FGF7: variants seen among roughly 807,000 people sequenced by gnomAD.
FGF7 encodes fibroblast growth factor 7.
FGF7 carries 6 observed loss-of-function variants against 20.5 expected under a neutral mutation model. The observed-to-expected ratio is 0.29, with a 90% CI of 0.16 to 0.58. The LOEUF is 0.58. Ranked by LOEUF, FGF7 falls within the 20% of genes least tolerant of loss-of-function variation. FGF7 has a pLI of 0.90. For synonymous variants in FGF7, 64 were observed against 74.7 expected, an observed-to-expected ratio of 0.86 and a Z score of 0.74; for missense variants, 144 against 228.8, an observed-to-expected ratio of 0.63 and a Z score of 2.39.
chr15:49,436,640 C>G lies in FGF7; in HGVS notation c.286+12057C>G, dbSNP rs184250976. On this transcript the variant is annotated intron_variant, in intron 2 of 3. Transcript: ENST00000267843. ...ACAGGGCTCTTATTAGGTGGGCAGA[C>G]TTATGCTCATTTGCAGATGGGGGAG... 8.6e-5 allele frequency among the ~76,000 whole-genome samples: 13 copies of G among 151,506 alleles called. No individual in the cohort carries two copies. The Admixed American group carries it at 8.6e-4, about 10-fold the overall frequency.
At chr15:49,456,830 G>T (rs973151232) in intron 2 of FGF7, among the ~76,000 whole-genome samples, 2 of 152,070 alleles carry the variant, frequency 1.3e-5, no homozygotes, top group African/African-American at 2.4e-5. Flanking sequence ...AGAATCAGTG[G>T]CAGTCCAACT....
intron 2 of FGF7, among the ~76,000 whole-genome samples, chr15:49,443,928 T>C (rs1056694000): frequency 2.6e-5 from 4 of 151,732 alleles, no homozygotes; most frequent in Non-Finnish European, 5.9e-5. Flanking sequence ...TGAGAGTCAG[T>C]TGTTAAACAT....
At chr15:49,439,359 G>C (rs1436204755) in intron 2 of FGF7, among the ~76,000 whole-genome samples, 1 of 151,626 alleles carries the variant, frequency 6.6e-6, no homozygotes, top group Non-Finnish European at 1.5e-5. Context: ...GGAAATTGCA[G>C]TGTGACGTAC....
chr15:49,453,394 G>A (rs927051447), intron 2 of FGF7, among the ~76,000 whole-genome samples: 7 of 152,076 alleles, frequency 4.6e-5, no homozygotes, highest in African/African-American at 7.2e-5. Flanking sequence ...ATGCGCCACC[G>A]TGCCTGGCCC....
rs2056339089 is a variant in FGF7, at chr15:49,485,564, T to A, written c.*1060T>A. On this transcript the variant is annotated 3_prime_UTR_variant, in exon 4 of 4. Transcript: ENST00000267843. ...TGTCTGGCTCAACGGCAAGTTTCCC[T>A]CCCTTTTCTGACTGACACTAAGTCT... 6.6e-6 allele frequency: 1 copy of A among 152,438 alleles called. No individual in the cohort carries two copies. The highest frequency in any genetic ancestry group is 2.4e-5 in the African/African-American group (1 of 41,414). 9.4% of individuals were successfully genotyped at this position (152,438 alleles called of 1,614,324 possible).
chr15:49,436,645 G>A (rs953768183), intron 2 of FGF7, among the ~76,000 whole-genome samples: 1 of 151,318 alleles, frequency 6.6e-6, no homozygotes, highest in Non-Finnish European at 1.5e-5. Context: ...GCAGACTTAT[G>A]CTCATTTGCA....
At chr15:49,467,405 G>C (rs1339646982) in intron 2 of FGF7, among the ~76,000 whole-genome samples, 2 of 152,000 alleles carry the variant, frequency 1.3e-5, no homozygotes, top group East Asian at 3.9e-4. Context: ...ATAAATTTAT[G>C]CATAGGTGTT....
chr15:49,445,501 AC>A (rs1567289446), intron 2 of FGF7, among the ~76,000 whole-genome samples: 1 of 151,480 alleles, frequency 6.6e-6, no homozygotes, highest in Non-Finnish European at 1.5e-5. Flanking sequence ...AAACAAACAG[AC>A]CTTTTGCTTA....
At chr15:49,436,956 C>A (rs2051160825) in intron 2 of FGF7, among the ~76,000 whole-genome samples, 1 of 151,580 alleles carries the variant, frequency 6.6e-6, no homozygotes, top group Non-Finnish European at 1.5e-5. Context: ...CTCCAAGTTT[C>A]CTTGTACAAA....
At chr15:49,427,666 G>C (rs551832405) in intron 2 of FGF7, among the ~76,000 whole-genome samples, 2 of 152,134 alleles carry the variant, frequency 1.3e-5, no homozygotes, top group African/African-American at 4.8e-5. Context: ...ACCTGAGAAT[G>C]TCAATAGGCT....
rs1176818355 is a variant in FGF7 at position 49,487,902 on chromosome 15, A to C, written c.*3398A>C. 1.3e-5 allele frequency: 2 copies of C among 151,980 alleles called. No homozygotes were observed. The highest frequency in any genetic ancestry group is 4.8e-5 in the African/African-American group (2 of 41,488). The allele number at this position is 151,980 out of a possible 1,614,324, so 9.4% of individuals were successfully genotyped here. A position where few individuals can be genotyped will look rare whatever the true frequency, so the allele number is the denominator to read the frequency against. On this transcript the variant is annotated 3_prime_UTR_variant, in exon 4 of 4. Coordinates refer to ENST00000267843, the MANE Select transcript of FGF7 (RefSeq NM_002009.4). ...ATCATGCAGTTTGGTTTACATCCCT[A>C]CTCCACTGCCATTTACTTGAGCGTG...
At chr15:49,443,532 C>CT (rs140800327) in intron 2 of FGF7, among the ~76,000 whole-genome samples, 3,713 of 151,650 alleles carry the variant, frequency 0.024, 119 homozygotes, top group South Asian at 0.16. Flanking sequence ...GTAGATTAAA[C>CT]TTAAGGTTTA....
intron 2 of FGF7, among the ~76,000 whole-genome samples, chr15:49,436,073 C>A (rs1331924434): frequency 6.6e-6 from 1 of 151,354 alleles, no homozygotes; most frequent in East Asian, 1.9e-4. Context: ...AAAAAAAAGA[C>A]CCTCAGGAAA....
chr15:49,439,277 GGAGA>G (rs146268849), intron 2 of FGF7, among the ~76,000 whole-genome samples: 15 of 148,976 alleles, frequency 1.0e-4, no homozygotes, highest in African/African-American at 3.7e-4. Context: ...GAGAGGGGTA[GGAGA>G]GAGAGAGAGA....
chr15:49,461,505 A>G (rs2053795101), intron 2 of FGF7, among the ~76,000 whole-genome samples: 1 of 152,206 alleles, frequency 6.6e-6, no homozygotes, highest in East Asian at 1.9e-4. Flanking sequence ...TGCATATTTC[A>G]TGCTCTATAC....
rs1368111370 is a variant in FGF7 at position 49,423,398 on chromosome 15, A to G, written c.-309A>G. 6.6e-6 allele frequency: 1 copy of G among 152,210 alleles called. No homozygotes were observed. The highest frequency in any genetic ancestry group is 2.4e-5 in the African/African-American group (1 of 41,468). The allele number at this position is 152,210 out of a possible 1,614,324, so 9.4% of individuals were successfully genotyped here. Reference sequence around the variant, plus strand: ...GCTCAAGTTGCACCAGGCAGACAACAGACATGGAATTCTTATATATCCAGC... The same window carrying G: ...GCTCAAGTTGCACCAGGCAGACAACGGACATGGAATTCTTATATATCCAGC... On this transcript the variant is annotated 5_prime_UTR_variant, in exon 1 of 4. Transcript: ENST00000267843.
At chr15:49,463,485 A>G (rs2053986660) in intron 2 of FGF7, among the ~76,000 whole-genome samples, 1 of 146,182 alleles carries the variant, frequency 6.8e-6, no homozygotes, top group Non-Finnish European at 1.5e-5. Context: ...CGGAAGGCAG[A>G]GGTTTCAGTG....
rs2056404719 is a variant in FGF7 at position 49,486,394 on chromosome 15, G to A, written c.*1890G>A. The A allele has an allele frequency of 6.6e-6, 1 of 151,984 alleles. No homozygotes were observed. Among genetic ancestry groups the A allele is most frequent in the Admixed American group, 6.6e-5 (1 of 15,238 alleles). The allele number at this position is 151,984 out of a possible 1,614,324, so 9.4% of individuals were successfully genotyped here. ...CTTTGCTAGCTAGGTTTTGAGGTCA[G>A]GCTTCAGTAACTGTAGTCTTGTGAG... On this transcript the variant is annotated 3_prime_UTR_variant, in exon 4 of 4. Coordinates refer to ENST00000267843, the MANE Select transcript of FGF7 (RefSeq NM_002009.4).
chr15:49,424,910 T>C (rs2151751899), intron 2 of FGF7: 1 of 167,950 alleles, frequency 6.0e-6, no homozygotes. Flanking sequence ...TAAGCAAAAC[T>C]CATTAAGATA....
Sources: allele counts gnomAD v4.1 joint callset (sites outside exome capture counted in the v4.1 genomes callset), GRCh38; gene constraint gnomAD v4.1.1; transcripts MANE v1.5; gene names NCBI Gene and HGNC (gene_info 2026-07-23, HGNC 2026-07-21).